The following MPP4 variants were observed in gnomAD, a reference collection of about 807,000 sequenced individuals.
The protein encoded by MPP4 is MAGUK p55 subfamily member 4.
MPP4 carries 91 observed loss-of-function variants against 98.3 expected under a neutral mutation model. The ratio of observed to expected loss-of-function variants is 0.93; its 90% CI spans 0.78 to 1.10. The LOEUF (loss-of-function observed/expected upper bound fraction) is 1.10. Among genes scored for constraint, MPP4 ranks in the 50% least tolerant of loss-of-function variants. The pLI is 0.00. For synonymous variants in MPP4, 261 were observed against 271.8 expected, an observed-to-expected ratio of 0.96 and a Z score of 0.39; for missense variants, 744 against 792.9, an observed-to-expected ratio of 0.94 and a Z score of 0.74.
At chr2:201,689,878 T>C (rs1439963863) in intron 4 of MPP4, among the ~76,000 whole-genome samples, 1 of 151,920 alleles carries the variant, frequency 6.6e-6, no homozygotes, top group East Asian at 1.9e-4. Context: ...TTTAGGGAAA[T>C]CTCCAGGCTA....
chr2:201,687,298 T>G lies in MPP4; in HGVS notation c.353A>C (p.His118Pro), dbSNP rs1440694060. 6.3e-7 allele frequency: 1 copy of G among 1,575,072 alleles called. No individual in the cohort carries two copies. The highest frequency in any genetic ancestry group is 1.8e-5 in the Admixed American group (1 of 54,716). ...QELRQMLQAP[H>P]FKALLSAHDT... ...ATTTTAGCAGGCACTTGCCTTGAAGTGTGGAGCCTGGAGCATTTGTCTCAG... is the reference window on the plus strand; with the variant it reads ...ATTTTAGCAGGCACTTGCCTTGAAGGGTGGAGCCTGGAGCATTTGTCTCAG... Residue 118 changes from histidine to proline, a missense_variant, in exon 5 of 22, where the codon CAC becomes CCC. By Grantham distance (77) the His-to-Pro change is moderately conservative. Coordinates refer to ENST00000409474, the MANE Select transcript of MPP4 (RefSeq NM_033066.3).
At chr2:201,652,534 A>G (rs1184945721) in intron 18 of MPP4, among the ~76,000 whole-genome samples, 1 of 152,246 alleles carries the variant, frequency 6.6e-6, no homozygotes, top group Non-Finnish European at 1.5e-5. Flanking sequence ...TTAAAAGTCT[A>G]TCATCACTCA....
intron 10 of MPP4, chr2:201,680,611 C>T (rs1688638267): frequency 1.2e-5 from 6 of 489,934 alleles, no homozygotes; most frequent in Middle Eastern, 5.4e-4. Flanking sequence ...TTTAGTTTCC[C>T]AAGACTTTTC....
chr2:201,666,824 A>C (rs7559992), intron 12 of MPP4: 15,408 of 152,318 alleles, frequency 0.1, 811 homozygotes, highest in East Asian at 0.19. Flanking sequence ...AGGTATGTCA[A>C]TAAAACTCAG....
chr2:201,651,338 A>G (rs1687708001), intron 18 of MPP4: 1 of 985,290 alleles, frequency 1.0e-6, no homozygotes, highest in South Asian at 4.7e-5. Context: ...TAGAGTTCCT[A>G]CAGTTACATC....
At chr2:201,671,493 A>T (rs1362294843) in intron 11 of MPP4, among the ~76,000 whole-genome samples, 1 of 152,190 alleles carries the variant, frequency 6.6e-6, no homozygotes, top group Non-Finnish European at 1.5e-5. Flanking sequence ...GGTGTGCTGT[A>T]TTCAGGAGAC....
chr2:201,683,489 C>T (rs1688722722), intron 7 of MPP4, among the ~76,000 whole-genome samples: 1 of 152,130 alleles, frequency 6.6e-6, no homozygotes, highest in Non-Finnish European at 1.5e-5. Flanking sequence ...CGGCTAATGC[C>T]TATAATCCTA....
At chr2:201,666,569 A>G in intron 12 of MPP4, 197 bp from the exon 13 acceptor site, 1 of 459,550 alleles carries the variant, frequency 2.2e-6, no homozygotes. Flanking sequence ...AAAAAAAACA[A>G]AAATTAGTCG....
intron 10 of MPP4, among the ~76,000 whole-genome samples, chr2:201,678,644 C>T (rs1227475810): frequency 1.3e-5 from 2 of 152,124 alleles, no homozygotes; most frequent in African/African-American, 2.4e-5. Context: ...CTTCACTGAA[C>T]GTGGGTGTGT....
Position 201,677,148 on chromosome 2 carries a change from A to G in MPP4, c.930-1877T>C, listed in dbSNP as rs543086715. 3.6e-4 allele frequency among the ~76,000 whole-genome samples: 55 copies of G among 151,156 alleles called. 1 individual carries two copies. Among genetic ancestry groups the G allele is most frequent in the Middle Eastern group, 3.4e-3 (1 of 292 alleles). Reference sequence around the variant, plus strand: ...TTACCTGGTAGTCTGATCTCTCTCTATCTCTGTCTCTGTGTCTCTCATTCT... The same window carrying G: ...TTACCTGGTAGTCTGATCTCTCTCTGTCTCTGTCTCTGTGTCTCTCATTCT... On this transcript the variant is annotated intron_variant, in intron 10 of 21. Transcript: ENST00000409474.
At chr2:201,675,119 C>A (rs1197982794) in intron 11 of MPP4, 88 bp downstream of exon 11, 7 of 1,362,974 alleles carry the variant, frequency 5.1e-6, no homozygotes, top group African/African-American at 1.4e-5. Context: ...GCATGGCCAG[C>A]CTCACATCAA....
intron 8 of MPP4, 133 bp downstream of exon 8, chr2:201,682,698 G>C (rs1688698774): frequency 1.5e-6 from 1 of 684,232 alleles, no homozygotes; most frequent in Non-Finnish European, 2.5e-6. Context: ...AGGTCTGGGA[G>C]CCTGGAGGGA....
intron 18 of MPP4, chr2:201,652,072 G>A (rs1408583923): frequency 7.6e-6 from 7 of 918,344 alleles, no homozygotes; most frequent in Non-Finnish European, 9.1e-6. Flanking sequence ...ACTTCAGAAA[G>A]CACAGCCTAT....
In MPP4 at chr2:201,694,069, C is replaced by A; in HGVS notation, c.-100-15G>T. On this transcript the variant is annotated splice_polypyrimidine_tract_variant and intron_variant, in intron 1 of 21. Coordinates refer to ENST00000409474, the MANE Select transcript of MPP4 (RefSeq NM_033066.3). The stretch of plus-strand genomic sequence containing the variant: ...CTCTCAGCACACTGGAATATATTTT[C>A]AATAGCATTTCCTCAGCAAGCCAGG... The A allele has an allele frequency of 6.3e-7, 1 of 1,597,780 alleles. No homozygotes were observed. The highest frequency in any genetic ancestry group is 1.1e-5 in the South Asian group (1 of 89,504).
At chr2:201,698,499 A>C in intron 1 of MPP4, 88 bp downstream of exon 1, 1 of 989,046 alleles carries the variant, frequency 1.0e-6, no homozygotes, top group East Asian at 6.3e-5. Context: ...CCAGATTTAT[A>C]TCTTTAGCTA....
chr2:201,679,332 C>A (rs1362804230), intron 10 of MPP4, among the ~76,000 whole-genome samples: 1 of 152,138 alleles, frequency 6.6e-6, no homozygotes, highest in Non-Finnish European at 1.5e-5. Context: ...CTTAAGAGGG[C>A]CTTTAATGCT....
intron 21 of MPP4, among the ~76,000 whole-genome samples, chr2:201,647,146 G>A (rs933927570): frequency 6.6e-6 from 1 of 152,174 alleles, no homozygotes; most frequent in East Asian, 1.9e-4. Context: ...ACCTGTTCTA[G>A]GATGAGATCA....
rs199920224 is a variant in MPP4 at position 201,685,129 on chromosome 2, C to A, written c.509G>T (p.Arg170Leu). ...CAAGATGTCCCCTGTCATCTCGTGG[C>A]GCTTGATGGTGGCTCCCTGAAGAGA... ...NQQPLGATIK[R>L]HEMTGDILVA... The change falls in exon 7 of 22, where the codon CGC (arginine) becomes CTC (leucine). Residue 170 changes from arginine to leucine, a missense_variant. Arg to Leu is a moderately radical substitution (Grantham distance 102). Transcript: ENST00000409474. 5.0e-6 allele frequency: 8 copies of A among 1,610,882 alleles called. No individual in the cohort carries two copies. The highest frequency in any genetic ancestry group is 2.7e-5 in the African/African-American group (2 of 74,930).
intron 10 of MPP4, among the ~76,000 whole-genome samples, chr2:201,679,194 A>G (rs1688601334): frequency 6.6e-6 from 1 of 151,722 alleles, no homozygotes; most frequent in African/African-American, 2.4e-5. Context: ...CTCCCTCCTA[A>G]ACAGCTTACA....
Sources: allele counts gnomAD v4.1 joint callset (sites outside exome capture counted in the v4.1 genomes callset), GRCh38; gene constraint gnomAD v4.1.1; transcripts MANE v1.5; gene names NCBI Gene and HGNC (gene_info 2026-07-23, HGNC 2026-07-21).